Variants in ADD1 observed in about 807,000 individuals in gnomAD.
ADD1 encodes the protein adducin 1.
In ADD1, 24 loss-of-function variants were observed where a neutral mutation model predicts 80.5. The observed-to-expected ratio is 0.30, with a 90% CI of 0.22 to 0.42. The LOEUF (loss-of-function observed/expected upper bound fraction) is 0.42. Ranked by LOEUF, ADD1 falls within the 10% of genes least tolerant of loss-of-function variation. The probability of loss-of-function intolerance (pLI) is 1.00; values close to 1 mark genes in which losing one functional copy is unlikely to be tolerated. For missense variants in ADD1, 948 were observed against 1,019.0 expected, an observed-to-expected ratio of 0.93 and a Z score of 0.95; for synonymous variants, 373 against 393.8, an observed-to-expected ratio of 0.95 and a Z score of 0.63.
intron 9 of ADD1, chr4:2,900,826 T>C (rs549190527): frequency 6.6e-6 from 1 of 152,222 alleles, no homozygotes; most frequent in Non-Finnish European, 1.5e-5. Context: ...GCGTAACTTT[T>C]TGAGTTCATA....
At chr4:2,903,456 A>C (rs1197929830) in intron 9 of ADD1, among the ~76,000 whole-genome samples, 1 of 152,200 alleles carries the variant, frequency 6.6e-6, no homozygotes, top group Non-Finnish European at 1.5e-5. Context: ...TAAAGGCTGC[A>C]TTCAGGGTGT....
chr4:2,854,428 G>A (rs1466928050), intron 1 of ADD1, among the ~76,000 whole-genome samples: 2 of 152,284 alleles, frequency 1.3e-5, no homozygotes, highest in Middle Eastern at 3.4e-3. Context: ...CTTTTTGCTT[G>A]CATTGCTCAT....
chr4:2,882,415 G>A (rs1357317060), intron 3 of ADD1, among the ~76,000 whole-genome samples: 1 of 152,238 alleles, frequency 6.6e-6, no homozygotes, highest in Non-Finnish European at 1.5e-5. Flanking sequence ...CTTCACTGCT[G>A]TGTCCCAACT....
At position 2,899,560 on chromosome 4, in the gene ADD1, T is replaced by G; in HGVS notation, c.1161+125T>G. Reference sequence around the variant, plus strand: ...CTGAATACCTTCACCTTCAAAGTCATGAAGAAGCACTAGGGTTGTTTAACT... The same window carrying G: ...CTGAATACCTTCACCTTCAAAGTCAGGAAGAAGCACTAGGGTTGTTTAACT... On this transcript the variant is annotated intron_variant, in intron 9 of 15. Coordinates refer to ENST00000683351, the MANE Select transcript of ADD1 (RefSeq NM_001354761.2). 2.9e-6 allele frequency: 3 copies of G among 1,047,338 alleles called. No homozygotes were observed. The South Asian group carries it at 4.1e-5, about 14-fold the overall frequency. The allele number at this position is 1,047,338 out of a possible 1,614,324, so 64.9% of individuals were successfully genotyped here. A position where few individuals can be genotyped will look rare whatever the true frequency, so the allele number is the denominator to read the frequency against.
At chr4:2,899,055 A>G (rs947079765) in intron 8 of ADD1, 4 of 583,946 alleles carry the variant, frequency 6.8e-6, no homozygotes, top group East Asian at 3.0e-5. Flanking sequence ...TTCTCTGCCA[A>G]CTTTGGTGCC....
chr4:2,915,090 C>G, intron 14 of ADD1, 50 bp downstream of exon 14: 1 of 1,542,002 alleles, frequency 6.5e-7, no homozygotes, highest in African/African-American at 1.4e-5. Context: ...TGAAAGTGCT[C>G]TGGGAGCTTC....
intron 1 of ADD1, among the ~76,000 whole-genome samples, chr4:2,850,786 T>G (rs1041231618): frequency 1.3e-5 from 2 of 151,494 alleles, no homozygotes; most frequent in Non-Finnish European, 2.9e-5. Context: ...CCCAGGCTGG[T>G]CTTGAACTCC....
intron 1 of ADD1, among the ~76,000 whole-genome samples, chr4:2,855,259 C>G (rs1396696573): frequency 6.6e-6 from 1 of 152,132 alleles, no homozygotes; most frequent in Non-Finnish European, 1.5e-5. Flanking sequence ...AAAAGAGTGT[C>G]TCTTATAAGT....
chr4:2,869,733 A>G (rs928896044), intron 1 of ADD1, among the ~76,000 whole-genome samples: 1 of 152,100 alleles, frequency 6.6e-6, no homozygotes, highest in Admixed American at 6.6e-5. Context: ...CCTTGCATGT[A>G]AGGTGGAAGG....
chr4:2,909,072 A>G (rs1737555283), intron 12 of ADD1: 3 of 517,264 alleles, frequency 5.8e-6, no homozygotes, highest in African/African-American at 3.8e-5. Flanking sequence ...CACATTGAAG[A>G]TAATTGTGTA....
In ADD1 at chr4:2,914,980, A is replaced by G; in HGVS notation, c.1888A>G (p.Thr630Ala). Residue 630 changes from threonine (T) to alanine (A), a missense_variant, in exon 14 of 16, where the codon ACA becomes GCA. Coordinates refer to ENST00000683351, the MANE Select transcript of ADD1 (RefSeq NM_001354761.2). Reference protein sequence around the residue: ...TTGPNPFTTLTDRELEEYRRE... With the variant: ...TTGPNPFTTLADRELEEYRRE... Reference sequence around the variant, plus strand: ...GGGCCCCAACCCCTTCACCACACTCACAGACCGTGAGCTGGAGGAGTACCG... The same window carrying G: ...GGGCCCCAACCCCTTCACCACACTCGCAGACCGTGAGCTGGAGGAGTACCG... 1.9e-6 allele frequency: 3 copies of G among 1,614,078 alleles called. No homozygotes were observed. The highest frequency in any genetic ancestry group is 2.5e-6 in the Non-Finnish European group (3 of 1,179,954).
At position 2,894,734 on chromosome 4, in the gene ADD1, G is replaced by C; in HGVS notation, c.741+3G>C. On this transcript the variant is annotated splice_donor_region_variant and intron_variant, in intron 6 of 15. Transcript: ENST00000683351. ...TTCACACCCCAGCAGGGGCTGCGGT[G>C]AGTGGCTGCCCTGGTAGCATCTCAA... 1.9e-6 allele frequency: 3 copies of C among 1,594,798 alleles called. No homozygotes were observed. Among genetic ancestry groups the C allele is most frequent in the South Asian group, 2.3e-5 (2 of 87,352 alleles).
Position 2,926,859 on chromosome 4 carries a change from G to A in ADD1, c.2047+747G>A, listed in dbSNP as rs1395139206. On this transcript the variant is annotated intron_variant, in intron 15 of 15. Coordinates refer to ENST00000683351, the MANE Select transcript of ADD1 (RefSeq NM_001354761.2). This position sits in a 1 kb window ranked among gnomAD's most constrained non-coding sequence, Gnocchi z 5.0. ...GGTTCAGTCACCTGAGTGCTGTGCT[G>A]CCTTCAGCGGCAGCGGGTACCTCCA... 6.6e-6 allele frequency among the ~76,000 whole-genome samples: 1 copy of A among 152,234 alleles called. No individual in the cohort carries two copies. Among genetic ancestry groups the A allele is most frequent in the Non-Finnish European group, 1.5e-5 (1 of 68,036 alleles).
At chr4:2,861,305 C>G (rs1308384094) in intron 1 of ADD1, among the ~76,000 whole-genome samples, 1 of 152,176 alleles carries the variant, frequency 6.6e-6, no homozygotes, top group African/African-American at 2.4e-5. Context: ...CCATTGAACT[C>G]TTGGCCCCAA....
At chr4:2,880,140 C>T (rs1456367336) in intron 2 of ADD1, among the ~76,000 whole-genome samples, 1 of 152,074 alleles carries the variant, frequency 6.6e-6, no homozygotes. Context: ...GTCAGAGTAC[C>T]TCTCAGCTTT....
intron 11 of ADD1, 24 bp downstream of exon 11, chr4:2,907,868 C>T (rs549214060): frequency 6.9e-6 from 11 of 1,594,554 alleles, no homozygotes; most frequent in South Asian, 6.6e-5. Context: ...CGGCACTCAG[C>T]GGGGGCTTGG....
In ADD1 at chr4:2,876,010, A is replaced by G; in HGVS notation, c.95A>G (p.Asn32Ser). ...TACTTCGACCGAGTAGATGAGAACA[A>G]CCCAGAGTACTTGAGGGAGAGGAAC... is the stretch of plus-strand genomic sequence containing the variant. ...ERYFDRVDEN[N>S]PEYLRERNMA... Residue 32 changes from asparagine to serine, a missense_variant, in exon 2 of 16, where the codon AAC becomes AGC. Coordinates refer to ENST00000683351, the MANE Select transcript of ADD1 (RefSeq NM_001354761.2). The G allele has an allele frequency of 6.2e-7, 1 of 1,614,150 alleles. No homozygotes were observed. The highest frequency in any genetic ancestry group is 1.3e-5 in the African/African-American group (1 of 75,040).
chr4:2,916,528 CTCTCT>C (rs1451739029), intron 14 of ADD1, among the ~76,000 whole-genome samples: 1 of 152,066 alleles, frequency 6.6e-6, no homozygotes, highest in Admixed American at 6.6e-5. Flanking sequence ...TTGTCTCTCT[CTCTCT>C]TTTTTTTAAA....
At chr4:2,920,307 C>A (rs1312821066) in intron 14 of ADD1, among the ~76,000 whole-genome samples, 2 of 152,114 alleles carry the variant, frequency 1.3e-5, no homozygotes, top group African/African-American at 4.8e-5. Flanking sequence ...AATGTATATT[C>A]TGTTGATTTG....
Sources: gnomAD v4.1 joint callset for allele counts (sites outside exome capture counted in the v4.1 genomes callset) on GRCh38, gnomAD v4.1.1 for gene constraint, Gnocchi (gnomAD v3.1) non-coding constraint, MANE v1.5 for transcripts, NCBI Gene and HGNC (gene_info 2026-07-23, HGNC 2026-07-21) for gene names.